HNMT: variants seen among roughly 807,000 people sequenced by gnomAD.
The protein encoded by HNMT is histamine N-methyltransferase.
A neutral mutation model predicts 32.1 loss-of-function variants in HNMT; 30 were observed. The observed-to-expected ratio is 0.93, with a 90% CI of 0.70 to 1.27. HNMT has a LOEUF of 1.27. HNMT is among the 50% of genes most tolerant of loss of function. HNMT has a pLI of 0.00. For synonymous variants in HNMT, 125 were observed against 119.0 expected (o/e 1.05, Z -0.33); for missense variants, 327 against 346.0 (o/e 0.95, Z 0.43).
rs145064817 is a variant in HNMT, at chr2:137,968,041, G to A, written c.138-2124G>A. Among the ~76,000 whole-genome samples, 320 of 152,232 alleles carry A rather than the reference G, an allele frequency of 2.1e-3. 2 individuals carry two copies. Among genetic ancestry groups the A allele is most frequent in the African/African-American group, 6.9e-3 (285 of 41,546 alleles). On this transcript the variant is annotated intron_variant, in intron 1 of 5. Coordinates refer to ENST00000280097, the MANE Select transcript of HNMT (RefSeq NM_006895.3). Reference sequence around the variant, plus strand: ...AGTGAGTAGCTCACTGAATAATTGAGTGTGGACTCAGCTCTTTCCTGGGAG... The same window carrying A: ...AGTGAGTAGCTCACTGAATAATTGAATGTGGACTCAGCTCTTTCCTGGGAG...
At chr2:137,965,865 G>C (rs1679942074) in intron 1 of HNMT, among the ~76,000 whole-genome samples, 1 of 152,174 alleles carries the variant, frequency 6.6e-6, no homozygotes, top group South Asian at 2.1e-4. Flanking sequence ...ACCGTGGATG[G>C]AGATAACATA....
At chr2:137,981,156 G>A in intron 2 of HNMT, 1 of 1,549,448 alleles carries the variant, frequency 6.5e-7, no homozygotes, top group Non-Finnish European at 8.8e-7. Context: ...GGGATAGGCT[G>A]AAATCGAATG....
chr2:137,991,310 T>C (rs1680808771), intron 2 of HNMT, among the ~76,000 whole-genome samples: 1 of 152,232 alleles, frequency 6.6e-6, no homozygotes, highest in Non-Finnish European at 1.5e-5. Context: ...CATGTAGTAA[T>C]GTGATTGGAT....
intron 2 of HNMT, among the ~76,000 whole-genome samples, chr2:137,993,500 C>G (rs1489661966): frequency 6.6e-6 from 1 of 152,024 alleles, no homozygotes; most frequent in South Asian, 2.1e-4. Flanking sequence ...AAGGAATGAA[C>G]AAAGCTTCCA....
chr2:137,976,777 T>C (rs1680301078), intron 2 of HNMT, among the ~76,000 whole-genome samples: 1 of 152,222 alleles, frequency 6.6e-6, no homozygotes, highest in Non-Finnish European at 1.5e-5. Context: ...TTGTTAAATA[T>C]ATGATTAAAA....
At chr2:137,978,766 A>G (rs922199255) in intron 2 of HNMT, among the ~76,000 whole-genome samples, 9 of 139,838 alleles carry the variant, frequency 6.4e-5, no homozygotes, top group Non-Finnish European at 1.1e-4. Context: ...ATATGATTAT[A>G]TAATATAGTA....
intron 2 of HNMT, among the ~76,000 whole-genome samples, chr2:137,980,952 G>A (rs1680475410): frequency 6.6e-6 from 1 of 152,032 alleles, no homozygotes; most frequent in African/African-American, 2.4e-5. Flanking sequence ...TTCTCTGGCT[G>A]CAAACCCACA....
Position 138,014,177 on chromosome 2 carries a change from G to T in HNMT, c.*47G>T, listed in dbSNP as rs774766897. 1 of 1,159,354 alleles carries T rather than the reference G, an allele frequency of 8.6e-7. No individual in the cohort carries two copies. Among genetic ancestry groups the T allele is most frequent in the South Asian group, 1.5e-5 (1 of 66,212 alleles). The allele number at this position is 1,159,354 out of a possible 1,614,324, so 71.8% of individuals were successfully genotyped here. A position where few individuals can be genotyped will look rare whatever the true frequency, so the allele number is the denominator to read the frequency against. On this transcript the variant is annotated 3_prime_UTR_variant, in exon 6 of 6. Coordinates refer to ENST00000280097, the MANE Select transcript of HNMT (RefSeq NM_006895.3). ...TCAAAAATTATATTTTGAACAACTC[G>T]AATCACTCATTTATTTCCATATTAA...
intron 1 of HNMT, among the ~76,000 whole-genome samples, chr2:137,968,642 T>C (rs571892692): frequency 6.6e-6 from 1 of 152,332 alleles, no homozygotes; most frequent in African/African-American, 2.4e-5. Flanking sequence ...TATGCTGTCA[T>C]AGATGTAAGC....
intron 2 of HNMT, among the ~76,000 whole-genome samples, chr2:137,992,743 A>G (rs1218303178): frequency 6.6e-6 from 1 of 152,108 alleles, no homozygotes; most frequent in Non-Finnish European, 1.5e-5. Flanking sequence ...AGACCCTCCA[A>G]TAGAGGTTGT....
At chr2:137,981,590 AG>A (rs1033690659) in intron 2 of HNMT, 37 of 549,436 alleles carry the variant, frequency 6.7e-5, no homozygotes, top group Middle Eastern at 4.7e-4. Context: ...CCTGACATTT[AG>A]TGGGTGCTCA....
intron 2 of HNMT, among the ~76,000 whole-genome samples, chr2:137,996,682 A>C (rs1420245410): frequency 6.6e-6 from 1 of 152,234 alleles, no homozygotes; most frequent in African/African-American, 2.4e-5. Context: ...TTTAAATTTC[A>C]TATGTAATCA....
intron 4 of HNMT, chr2:138,002,743 A>G (rs1681213256): frequency 1.1e-6 from 1 of 930,310 alleles, no homozygotes; most frequent in South Asian, 5.0e-5. Flanking sequence ...CACTGCACCC[A>G]GTCTTTAATT....
In HNMT at chr2:138,014,293, T is replaced by C. The variant is rs946444395; in HGVS notation, c.*163T>C. 19 of 583,078 alleles carry C rather than the reference T, an allele frequency of 3.3e-5. No homozygotes were observed. The highest frequency in any genetic ancestry group is 5.4e-5 in the Non-Finnish European group (18 of 331,698). 36.1% of individuals were successfully genotyped at this position (583,078 alleles called of 1,614,324 possible). On this transcript the variant is annotated 3_prime_UTR_variant, in exon 6 of 6. Coordinates refer to ENST00000280097, the MANE Select transcript of HNMT (RefSeq NM_006895.3). ...TACATTATTGGACTTCCATTTGGAA[T>C]CATATGGGATACTGCTGGTCTTATC...
At chr2:138,005,959 C>T (rs1207095865) in intron 5 of HNMT, among the ~76,000 whole-genome samples, 1 of 151,962 alleles carries the variant, frequency 6.6e-6, no homozygotes, top group Admixed American at 6.6e-5. Flanking sequence ...CCTAAGGTTA[C>T]ACCAGACCCC....
intron 5 of HNMT, among the ~76,000 whole-genome samples, chr2:138,012,430 T>G (rs1207827318): frequency 1.3e-5 from 2 of 152,150 alleles, no homozygotes; most frequent in East Asian, 3.9e-4. Context: ...TCTTCTAAAC[T>G]TGGGGACAAG....
chr2:137,994,281 C>G (rs1007696183), intron 2 of HNMT, among the ~76,000 whole-genome samples: 2 of 152,048 alleles, frequency 1.3e-5, no homozygotes, highest in East Asian at 3.9e-4. Context: ...TTCAGGAGAC[C>G]CATCTCATGT....
chr2:137,966,202 G>A (rs1003085046), intron 1 of HNMT, among the ~76,000 whole-genome samples: 5 of 151,952 alleles, frequency 3.3e-5, no homozygotes, highest in East Asian at 1.9e-4. Context: ...AGTGTGGAGC[G>A]AGCCTATTAA....
At chr2:138,009,982 C>A (rs1488242947) in intron 5 of HNMT, among the ~76,000 whole-genome samples, 1 of 152,060 alleles carries the variant, frequency 6.6e-6, no homozygotes, top group African/African-American at 2.4e-5. Context: ...AATGTCTATA[C>A]CACATTGGTT....
Sources: allele counts gnomAD v4.1 joint callset (sites outside exome capture counted in the v4.1 genomes callset), GRCh38; gene constraint gnomAD v4.1.1; transcripts MANE v1.5; gene names NCBI Gene and HGNC (gene_info 2026-07-23, HGNC 2026-07-21).